The following SCHIP1 variants were observed in gnomAD, a reference collection of about 807,000 sequenced individuals.
SCHIP1 encodes schwannomin interacting protein 1.
A neutral mutation model predicts 29.7 loss-of-function variants in SCHIP1; 8 were observed. The observed-to-expected ratio is 0.27, with a 90% confidence interval of 0.16 to 0.49. SCHIP1 has a LOEUF of 0.49. Ranked by LOEUF, SCHIP1 falls within the 20% of genes least tolerant of loss-of-function variation. The pLI is 0.99. For missense variants in SCHIP1, 193 were observed against 294.6 expected (o/e 0.66, Z 2.52); for synonymous variants, 76 against 94.9 (o/e 0.80, Z 1.16).
At chr3:159,374,107 CT>C in the SCHIP1 span, among the ~76,000 whole-genome samples, 1 of 152,048 alleles carries the variant, frequency 6.6e-6, no homozygotes, top group East Asian at 1.9e-4. Context: ...AAAATCATAG[CT>C]TTACACATTT....
chr3:159,732,128 G>T, the SCHIP1 span, among the ~76,000 whole-genome samples: 448 of 152,348 alleles, frequency 2.9e-3, 5 homozygotes, highest in African/African-American at 0.01. Context: ...TTACAGGCGT[G>T]AGCCACCACG....
the SCHIP1 span, among the ~76,000 whole-genome samples, chr3:159,799,446 T>C: frequency 7.9e-5 from 12 of 152,338 alleles, no homozygotes; most frequent in South Asian, 2.1e-4. Flanking sequence ...ACACAAAATA[T>C]ATGTTTATCC....
chr3:159,662,798 C>T, the SCHIP1 span, among the ~76,000 whole-genome samples: 1 of 152,162 alleles, frequency 6.6e-6, no homozygotes. Flanking sequence ...GAGTTCAGCT[C>T]CACTTTAGAG....
the SCHIP1 span, among the ~76,000 whole-genome samples, chr3:159,413,010 G>A: frequency 4.6e-5 from 7 of 152,164 alleles, no homozygotes; most frequent in East Asian, 5.8e-4. Context: ...GGAAACTTAC[G>A]ATCATGACGA....
chr3:159,402,953 A>G, the SCHIP1 span, among the ~76,000 whole-genome samples: 1 of 152,044 alleles, frequency 6.6e-6, no homozygotes, highest in Non-Finnish European at 1.5e-5. Flanking sequence ...TAAAAGAAAA[A>G]AAAGAAATAT....
the SCHIP1 span, among the ~76,000 whole-genome samples, chr3:159,446,021 T>C: frequency 6.7e-6 from 1 of 149,772 alleles, no homozygotes; most frequent in Non-Finnish European, 1.5e-5. Flanking sequence ...AAACTTAAAG[T>C]ATAATAATAA....
the SCHIP1 span, among the ~76,000 whole-genome samples, chr3:159,283,399 G>A: frequency 3.4e-4 from 52 of 152,122 alleles, no homozygotes; most frequent in Admixed American, 6.5e-4. Context: ...GTGATCCGCC[G>A]CCCGCCTTGG....
At chr3:159,508,697 C>A in the SCHIP1 span, among the ~76,000 whole-genome samples, 1 of 152,158 alleles carries the variant, frequency 6.6e-6, no homozygotes, top group Admixed American at 6.5e-5. Context: ...CAAAGAACAT[C>A]TTTATTTCTG....
the SCHIP1 span, among the ~76,000 whole-genome samples, chr3:159,477,091 G>C: frequency 1.3e-5 from 2 of 152,116 alleles, no homozygotes; most frequent in Admixed American, 6.5e-5. Flanking sequence ...GTGTCCTCCA[G>C]ATTCATCCAC....
At chr3:159,671,795 C>T in the SCHIP1 span, among the ~76,000 whole-genome samples, 3 of 152,218 alleles carry the variant, frequency 2.0e-5, no homozygotes, top group South Asian at 6.2e-4. Context: ...TTAAAAATCA[C>T]TTTCAAAACC....
At chr3:159,340,973 G>T in the SCHIP1 span, among the ~76,000 whole-genome samples, 1 of 152,106 alleles carries the variant, frequency 6.6e-6, no homozygotes, top group Non-Finnish European at 1.5e-5. Flanking sequence ...AATATTTTGA[G>T]GATATGATCA....
the SCHIP1 span, among the ~76,000 whole-genome samples, chr3:159,688,298 A>T: frequency 1.3e-5 from 2 of 152,138 alleles, no homozygotes; most frequent in East Asian, 3.9e-4. Context: ...CCATTCTAAC[A>T]GGCGTGAATT....
At chr3:159,401,467 C>CAT in the SCHIP1 span, 5 of 579,282 alleles carry the variant, frequency 8.6e-6, no homozygotes, top group Non-Finnish European at 1.1e-5. Context: ...CTGGCACAGG[C>CAT]ATAATTTTAT....
chr3:159,554,740 G>T, the SCHIP1 span, among the ~76,000 whole-genome samples: 4 of 151,942 alleles, frequency 2.6e-5, no homozygotes, highest in Admixed American at 2.6e-4. Flanking sequence ...TAAGATAGTG[G>T]CTCTGGCTTC....
the SCHIP1 span, among the ~76,000 whole-genome samples, chr3:159,758,157 A>G: frequency 2.7e-5 from 4 of 147,644 alleles, no homozygotes; most frequent in Non-Finnish European, 4.5e-5. Context: ...ACAGACTTAC[A>G]TTTTTTTTTT....
the SCHIP1 span, among the ~76,000 whole-genome samples, chr3:159,395,460 G>A: frequency 6.6e-6 from 1 of 151,572 alleles, no homozygotes. Flanking sequence ...GGCATTTAGT[G>A]CTATAAATTT....
At chr3:159,347,387 A>T in the SCHIP1 span, among the ~76,000 whole-genome samples, 4 of 152,190 alleles carry the variant, frequency 2.6e-5, no homozygotes, top group Non-Finnish European at 4.4e-5. Context: ...TATTCCGTGG[A>T]TGTGTGACTT....
At chr3:159,781,153 C>G in the SCHIP1 span, among the ~76,000 whole-genome samples, 1 of 152,098 alleles carries the variant, frequency 6.6e-6, no homozygotes, top group Non-Finnish European at 1.5e-5. Flanking sequence ...GGTAAATGTT[C>G]TGAATCCATT....
chr3:159,829,703 G>T, the SCHIP1 span, among the ~76,000 whole-genome samples: 1 of 152,124 alleles, frequency 6.6e-6, no homozygotes, highest in Non-Finnish European at 1.5e-5. Context: ...CTCTGTACTG[G>T]CCTTTCTAAA....
Sources: allele counts gnomAD v4.1 joint callset (sites outside exome capture counted in the v4.1 genomes callset), GRCh38; gene constraint gnomAD v4.1.1; transcripts MANE v1.5; gene names NCBI Gene and HGNC (gene_info 2026-07-23, HGNC 2026-07-21).